CABLES1: variants seen among roughly 807,000 people sequenced by gnomAD.
The protein encoded by CABLES1 is Cdk5 and Abl enzyme substrate 1, also known as CDK5 and ABL1 enzyme substrate 1.
Under a neutral mutation model 57.8 loss-of-function variants are expected in CABLES1, and 36 were observed. The observed-to-expected ratio is 0.62, with a 90% confidence interval of 0.48 to 0.82. CABLES1 has a LOEUF of 0.82. Among genes scored for constraint, CABLES1 ranks in the 40% least tolerant of loss-of-function variants. The probability of loss-of-function intolerance (pLI) is 0.00; values close to 1 mark genes in which losing one functional copy is unlikely to be tolerated. For synonymous variants in CABLES1, 374 were observed against 363.0 expected (o/e 1.03, Z -0.35); for missense variants, 767 against 836.6 (o/e 0.92, Z 1.03).
chr18:23,249,783 C>T (rs1341531585), intron 7 of CABLES1, among the ~76,000 whole-genome samples: 2 of 152,054 alleles, frequency 1.3e-5, no homozygotes, highest in East Asian at 1.9e-4. Flanking sequence ...CCACTGCTAG[C>T]GATCTTCTCG....
intron 4 of CABLES1, among the ~76,000 whole-genome samples, chr18:23,228,710 AC>A (rs1245705575): frequency 4.0e-5 from 1 of 24,706 alleles, no homozygotes; most frequent in Non-Finnish European, 8.6e-5. Flanking sequence ...CCACTCCCCC[AC>A]CCCCGTGGGC....
chr18:23,222,585 A>C (rs917859793), intron 4 of CABLES1, among the ~76,000 whole-genome samples: 1 of 148,584 alleles, frequency 6.7e-6, no homozygotes. Flanking sequence ...AGATATATAG[A>C]TATATATAAT....
chr18:23,203,558 G>A (rs1448105765), intron 3 of CABLES1, among the ~76,000 whole-genome samples: 3 of 152,082 alleles, frequency 2.0e-5, no homozygotes, highest in Non-Finnish European at 4.4e-5. Context: ...AGTCAAGCTG[G>A]AGCCTTTCCT....
intron 1 of CABLES1, among the ~76,000 whole-genome samples, chr18:23,174,576 A>G (rs1195446037): frequency 6.6e-6 from 1 of 151,552 alleles, no homozygotes; most frequent in Non-Finnish European, 1.5e-5. Flanking sequence ...GGTTCACGCC[A>G]TTCTCCTGCC....
intron 1 of CABLES1, among the ~76,000 whole-genome samples, chr18:23,146,016 C>T (rs555927531): frequency 2.6e-5 from 4 of 152,256 alleles, no homozygotes; most frequent in South Asian, 2.1e-4. Context: ...TTAGGTTTTA[C>T]GATAAACAGA....
intron 1 of CABLES1, chr18:23,155,719 C>A: frequency 1.0e-6 from 1 of 997,540 alleles, no homozygotes; most frequent in Non-Finnish European, 1.4e-6. Flanking sequence ...GTGGCAGGAT[C>A]CTAGAATCAC....
intron 1 of CABLES1, among the ~76,000 whole-genome samples, chr18:23,146,187 G>A (rs1182459699): frequency 1.3e-5 from 2 of 152,218 alleles, no homozygotes; most frequent in South Asian, 2.1e-4. Flanking sequence ...GCTGGGTGGC[G>A]GGGTAGAGGA....
chr18:23,186,889 C>T (rs1170337299), intron 1 of CABLES1, among the ~76,000 whole-genome samples: 2 of 152,218 alleles, frequency 1.3e-5, no homozygotes, highest in African/African-American at 4.8e-5. Flanking sequence ...GAGTCTCCCC[C>T]AGTCCAGCCT....
rs2048234297 is a variant in CABLES1, at chr18:23,259,084, C to CTGTT, written c.*1719_*1722dup. On this transcript the variant is annotated 3_prime_UTR_variant, in exon 10 of 10. Coordinates refer to ENST00000256925, the MANE Select transcript of CABLES1 (RefSeq NM_001100619.3). ...GATCAACTGGTACTTAGGGCACTTGCTGTTTATAAAGCAAAATTGAGAAAA... is the reference window on the plus strand; with the variant it reads ...GATCAACTGGTACTTAGGGCACTTGCTGTTTGTTTATAAAGCAAAATTGAGAAAA... 2 of 151,892 alleles carry CTGTT rather than the reference C, an allele frequency of 1.3e-5. 1 individual carries two copies. The highest frequency in any genetic ancestry group is 4.2e-4 in the South Asian group (2 of 4,814). 9.4% of individuals were successfully genotyped at this position (151,892 alleles called of 1,614,324 possible).
intron 1 of CABLES1, among the ~76,000 whole-genome samples, chr18:23,150,575 A>C (rs997911385): frequency 6.6e-6 from 1 of 152,070 alleles, no homozygotes; most frequent in Non-Finnish European, 1.5e-5. Context: ...GCCCTGTGCC[A>C]AGCACTGGGA....
At chr18:23,147,979 CTTTTTTTTTTTTTTT>C (rs10603023) in intron 1 of CABLES1, among the ~76,000 whole-genome samples, 24 of 78,446 alleles carry the variant, frequency 3.1e-4, no homozygotes, top group African/African-American at 1.2e-3. Flanking sequence ...GCTTGGCCTC[CTTTTTTTTTTTTTTT>C]TTTTTTTTTT....
chr18:23,257,108 T>C (rs2048186951), intron 9 of CABLES1, 119 bp from the exon 10 acceptor site: 2 of 1,133,940 alleles, frequency 1.8e-6, no homozygotes, highest in African/African-American at 1.6e-5. Flanking sequence ...CACAGAGCTT[T>C]GCCCAAAGTG....
chr18:23,169,532 G>T (rs1226141402), intron 1 of CABLES1, among the ~76,000 whole-genome samples: 1 of 152,180 alleles, frequency 6.6e-6, no homozygotes, highest in Non-Finnish European at 1.5e-5. Context: ...TGGTCTGTCA[G>T]CAAAGCAGTT....
At position 23,153,010 on chromosome 18, in the gene CABLES1, C is replaced by G. The variant is rs751760500; in HGVS notation, c.845+16403C>G. Among the ~76,000 whole-genome samples the G allele has an allele frequency of 1.1e-4, 16 of 151,960 alleles. 1 individual carries two copies. The highest frequency in any genetic ancestry group is 2.2e-4 in the Non-Finnish European group (15 of 67,994). ...AGAGACAGGGTTTCACCATGTTGGC[C>G]AGGCTGGTTTTGAACTCCTGACCTT... On this transcript the variant is annotated intron_variant, in intron 1 of 9. Coordinates refer to ENST00000256925, the MANE Select transcript of CABLES1 (RefSeq NM_001100619.3).
chr18:23,160,302 T>G (rs1402818425), intron 1 of CABLES1, among the ~76,000 whole-genome samples: 1 of 152,206 alleles, frequency 6.6e-6, no homozygotes, highest in Non-Finnish European at 1.5e-5. Context: ...GTGCTGGGAT[T>G]ACAGGCGTGA....
chr18:23,234,542 A>G (rs2047588899), intron 4 of CABLES1, 66 bp from the exon 5 acceptor site: 1 of 1,123,492 alleles, frequency 8.9e-7, no homozygotes, highest in South Asian at 1.3e-5. Flanking sequence ...TCATGGAGTA[A>G]GCATCCTCAT....
At chr18:23,227,678 C>T (rs542731235) in intron 4 of CABLES1, among the ~76,000 whole-genome samples, 1 of 152,234 alleles carries the variant, frequency 6.6e-6, no homozygotes, top group Non-Finnish European at 1.5e-5. Context: ...GGGCAACAAA[C>T]GGGACTCTTA....
rs1457591342 is a variant in CABLES1 at position 23,259,569 on chromosome 18, TTTTAA to T, written c.*2207_*2211del. On this transcript the variant is annotated 3_prime_UTR_variant, in exon 10 of 10. Coordinates refer to ENST00000256925, the MANE Select transcript of CABLES1 (RefSeq NM_001100619.3). ...TTTGTGGAATGGACAGTTTTGTGGG[TTTTAA>T]TTTATTTGTGAGGAGTCGGGGCTGA... 1.3e-5 allele frequency: 2 copies of T among 152,072 alleles called. No individual in the cohort carries two copies. The highest frequency in any genetic ancestry group is 1.9e-4 in the East Asian group (1 of 5,194). The allele number at this position is 152,072 out of a possible 1,614,324, so 9.4% of individuals were successfully genotyped here.
intron 1 of CABLES1, among the ~76,000 whole-genome samples, chr18:23,158,727 C>T (rs1318885362): frequency 2.0e-5 from 3 of 152,090 alleles, no homozygotes; most frequent in African/African-American, 7.2e-5. Context: ...TTGTGGGCAC[C>T]TATTGGGTTG....
Sources: gnomAD v4.1 joint callset for allele counts (sites outside exome capture counted in the v4.1 genomes callset) on GRCh38, gnomAD v4.1.1 for gene constraint, MANE v1.5 for transcripts, NCBI Gene and HGNC (gene_info 2026-07-23, HGNC 2026-07-21) for gene names.